TTBK2: variants seen among roughly 807,000 people sequenced by gnomAD.
TTBK2 encodes tau tubulin kinase 2, also known as tau-tubulin kinase 2.
TTBK2 carries 28 observed loss-of-function variants against 110.8 expected under a neutral mutation model. That is an observed-to-expected ratio of 0.25 (90% CI 0.19 to 0.35). The LOEUF (loss-of-function observed/expected upper bound fraction) is 0.35, where lower values mean the gene tolerates loss of function less well. TTBK2 is among the 10% of genes least tolerant of loss of function. The probability of loss-of-function intolerance (pLI) is 1.00; values close to 1 mark genes in which losing one functional copy is unlikely to be tolerated. For missense variants in TTBK2, 1,369 were observed against 1,500.3 expected, an observed-to-expected ratio of 0.91 and a Z score of 1.45; for synonymous variants, 532 against 527.3, an observed-to-expected ratio of 1.01 and a Z score of -0.12.
chr15:42,856,933 C>T (rs1310125847), intron 3 of TTBK2, among the ~76,000 whole-genome samples: 2 of 152,002 alleles, frequency 1.3e-5, no homozygotes, highest in Non-Finnish European at 2.9e-5. Flanking sequence ...TGGTGGCACA[C>T]ACCTGTAATC....
chr15:42,916,537 G>C (rs1383818180), intron 1 of TTBK2, among the ~76,000 whole-genome samples: 2 of 152,106 alleles, frequency 1.3e-5, no homozygotes, highest in Admixed American at 1.3e-4. Context: ...ACGTTGGCCA[G>C]ACTTGTCTCC....
intron 11 of TTBK2, 82 bp from the exon 12 acceptor site, chr15:42,777,324 TATAA>T: frequency 7.3e-7 from 1 of 1,378,154 alleles, no homozygotes; most frequent in Non-Finnish European, 1.0e-6. Flanking sequence ...TTCAAAATAA[TATAA>T]ATAAATGATT....
At chr15:42,790,100 C>T (rs1890589131) in intron 10 of TTBK2, among the ~76,000 whole-genome samples, 2 of 151,792 alleles carry the variant, frequency 1.3e-5, no homozygotes, top group Non-Finnish European at 2.9e-5. Context: ...GGAATTGGAC[C>T]CCTATTTTAC....
intron 9 of TTBK2, 185 bp from the exon 10 acceptor site, chr15:42,794,986 T>A (rs1890871003): frequency 1.4e-6 from 1 of 702,596 alleles, no homozygotes; most frequent in Admixed American, 2.3e-5. Context: ...TAATGTTGAT[T>A]TTTCTCCGTT....
Position 42,794,780 on chromosome 15 carries a change from T to C in TTBK2, c.844A>G (p.Asn282Asp), listed in dbSNP as rs200767895. The C allele has an allele frequency of 1.1e-5, 18 of 1,614,152 alleles. No homozygotes were observed. The highest frequency in any genetic ancestry group is 3.3e-4 in the Middle Eastern group (2 of 6,058). The change falls in exon 10 of 15, where the codon AAT becomes GAT. Residue 282 changes from asparagine (N) to aspartate (D), a missense_variant. This residue lies in a region of TTBK2 where 138 missense variants were observed against 179.0 expected (regional missense o/e 0.77). Coordinates refer to ENST00000267890, the MANE Select transcript of TTBK2 (RefSeq NM_173500.4). Reference sequence around the variant, plus strand: ...ATTACTCCAAAAGTCTTGATGCTATTGTCAAACACGGATGTAAGAAGCTAA... The same window carrying C: ...ATTACTCCAAAAGTCTTGATGCTATCGTCAAACACGGATGTAAGAAGCTAA... ...DYQLLTSVFD[N>D]SIKTFGVIES...
At chr15:42,794,220 T>A (rs1339863389) in intron 10 of TTBK2, among the ~76,000 whole-genome samples, 5 of 152,188 alleles carry the variant, frequency 3.3e-5, no homozygotes, top group African/African-American at 4.8e-5. Flanking sequence ...ATCATAACCT[T>A]TTCTTAATAC....
At chr15:42,753,965 C>T (rs1429061265) in intron 13 of TTBK2, among the ~76,000 whole-genome samples, 1 of 152,048 alleles carries the variant, frequency 6.6e-6, no homozygotes, top group African/African-American at 2.4e-5. Flanking sequence ...TTGAAAAACT[C>T]CAAATTTGCA....
At chr15:42,750,471 A>T (rs978238665) in intron 14 of TTBK2, among the ~76,000 whole-genome samples, 1 of 152,278 alleles carries the variant, frequency 6.6e-6, no homozygotes, top group African/African-American at 2.4e-5. Context: ...CTAAAATAAA[A>T]AATTCACTAG....
At position 42,739,184 on chromosome 15, in the gene TTBK2, T is replaced by C. The variant is rs891808035; in HGVS notation, c.*6611A>G. 3.9e-5 allele frequency: 6 copies of C among 152,174 alleles called. No individual in the cohort carries two copies. The highest frequency in any genetic ancestry group is 8.8e-5 in the Non-Finnish European group (6 of 68,028). 9.4% of individuals were successfully genotyped at this position (152,174 alleles called of 1,614,324 possible). ...GTCCTTGGTTGCCTGAGCAAAATTG[T>C]ATAAAGGGAGCTGCTTGGAGGGGAA... On this transcript the variant is annotated 3_prime_UTR_variant, in exon 15 of 15. Coordinates refer to ENST00000267890, the MANE Select transcript of TTBK2 (RefSeq NM_173500.4).
In TTBK2 at chr15:42,763,104, G is replaced by GTATA. The variant is rs1161998016; in HGVS notation, c.1999-9861_1999-9858dup. On this transcript the variant is annotated intron_variant, in intron 13 of 14. Coordinates refer to ENST00000267890, the MANE Select transcript of TTBK2 (RefSeq NM_173500.4). Reference sequence around the variant, plus strand: ...CAATTTTATATATATATATATATACGTATATATATATATACACATATATAT... The same window carrying GTATA: ...CAATTTTATATATATATATATATACGTATATATATATATATATACACATATATAT... Among the ~76,000 whole-genome samples the GTATA allele has an allele frequency of 1.8e-4, 11 of 59,614 alleles. No individual in the cohort carries two copies. The South Asian group carries it at 2.5e-3, about 13-fold the overall frequency. The allele number at this position is 59,614 out of a possible 152,430, so 39.1% of individuals were successfully genotyped here.
At position 42,752,280 on chromosome 15, in the gene TTBK2, T is replaced by G. The variant is rs2061876484; in HGVS notation, c.2966A>C (p.Lys989Thr). ...VKLLVEKRQF[K>T]SFLGDLSSAS... is the part of the protein sequence containing the mutation. ...ACTTGAGAGGTCGCCAAGGAAGGACTTGAATTGTCTTTTTTCCACCAGAAG... is the reference window on the plus strand; with the variant it reads ...ACTTGAGAGGTCGCCAAGGAAGGACGTGAATTGTCTTTTTTCCACCAGAAG... The change falls in exon 14 of 15, where the codon AAG becomes ACG. Residue 989 changes from lysine (K) to threonine (T), a missense_variant. By Grantham distance (78) the Lys-to-Thr change is moderately conservative. Coordinates refer to ENST00000267890, the MANE Select transcript of TTBK2 (RefSeq NM_173500.4). 6.2e-7 allele frequency: 1 copy of G among 1,614,180 alleles called. No homozygotes were observed. The highest frequency in any genetic ancestry group is 8.5e-7 in the Non-Finnish European group (1 of 1,180,030).
At chr15:42,798,575 A>G (rs1195810095) in intron 9 of TTBK2, among the ~76,000 whole-genome samples, 1 of 152,226 alleles carries the variant, frequency 6.6e-6, no homozygotes, top group Non-Finnish European at 1.5e-5. Context: ...TATGACATTT[A>G]TTACAATATT....
Position 42,810,694 on chromosome 15 carries a change from A to G in TTBK2, c.742T>C (p.Leu248=). 1 of 1,614,024 alleles carries G rather than the reference A, an allele frequency of 6.2e-7. No individual in the cohort carries two copies. The highest frequency in any genetic ancestry group is 8.5e-7 in the Non-Finnish European group (1 of 1,179,944). Residue 248 remains leucine (L), a synonymous_variant, in exon 9 of 15, where the codon TTG becomes CTG. Transcript: ENST00000267890. ...IKERYDHRLM[L]KHLPPEFSIF... Reference sequence around the variant, plus strand: ...CTGAATTCTGGAGGGAGATGTTTCAACATGAGCCTGTGGTCATATCTCTCC... The same window carrying G: ...CTGAATTCTGGAGGGAGATGTTTCAGCATGAGCCTGTGGTCATATCTCTCC...
At chr15:42,789,134 A>C (rs942853452) in intron 10 of TTBK2, among the ~76,000 whole-genome samples, 1 of 152,130 alleles carries the variant, frequency 6.6e-6, no homozygotes, top group African/African-American at 2.4e-5. Context: ...TATGCTGTCC[A>C]TTAGATCTCC....
chr15:42,799,281 A>G (rs892375173), intron 9 of TTBK2, among the ~76,000 whole-genome samples: 11 of 151,948 alleles, frequency 7.2e-5, no homozygotes, highest in African/African-American at 2.7e-4. Flanking sequence ...GAGGCAGGAA[A>G]ATGGTGTGAA....
chr15:42,761,335 A>T (rs1484593983), intron 13 of TTBK2, among the ~76,000 whole-genome samples: 1 of 152,244 alleles, frequency 6.6e-6, no homozygotes, highest in East Asian at 1.9e-4. Flanking sequence ...GGATTATATC[A>T]AACTAAAAAC....
At chr15:42,909,234 T>G (rs1192325390) in intron 1 of TTBK2, among the ~76,000 whole-genome samples, 1 of 152,220 alleles carries the variant, frequency 6.6e-6, no homozygotes, top group Non-Finnish European at 1.5e-5. Flanking sequence ...CTCAAAGTCC[T>G]GCGCCTAAGC....
At chr15:42,863,223 T>C (rs1009680813) in intron 3 of TTBK2, among the ~76,000 whole-genome samples, 1 of 152,138 alleles carries the variant, frequency 6.6e-6, no homozygotes, top group Non-Finnish European at 1.5e-5. Context: ...AGTTTCAGTA[T>C]ACAAAACCAA....
chr15:42,784,015 T>A (rs1316985820), intron 10 of TTBK2, among the ~76,000 whole-genome samples: 1 of 151,686 alleles, frequency 6.6e-6, no homozygotes, highest in Non-Finnish European at 1.5e-5. Context: ...TGAGCCAAGA[T>A]TGCGCCACTG....
Sources: gnomAD v4.1 joint callset for allele counts (sites outside exome capture counted in the v4.1 genomes callset) on GRCh38, gnomAD v4.1.1 for gene constraint, gnomAD v4.1.1 regional missense constraint, MANE v1.5 for transcripts, NCBI Gene and HGNC (gene_info 2026-07-23, HGNC 2026-07-21) for gene names.